Variants in PPP3CA observed in about 807,000 individuals in gnomAD.
PPP3CA encodes the protein protein phosphatase 3 catalytic subunit alpha, also known as CAM-PRP catalytic subunit.
Under a neutral mutation model 66.5 loss-of-function variants are expected in PPP3CA, and 14 were observed. That is an observed-to-expected ratio of 0.21 (90% CI 0.14 to 0.33). The LOEUF (loss-of-function observed/expected upper bound fraction) is 0.33, where lower values mean the gene tolerates loss of function less well. Among genes scored for constraint, PPP3CA ranks in the 10% least tolerant of loss-of-function variants. PPP3CA has a pLI of 1.00. For missense variants in PPP3CA, 317 were observed against 639.5 expected (o/e 0.50, Z 5.44); for synonymous variants, 232 against 226.2 (o/e 1.03, Z -0.23).
chr4:101,032,600 T>A (rs1487167953), intron 11 of PPP3CA, among the ~76,000 whole-genome samples: 2 of 152,200 alleles, frequency 1.3e-5, no homozygotes, highest in African/African-American at 4.8e-5. Context: ...GGAGGTTCTG[T>A]TTCTTTTGAG....
At chr4:101,339,604 T>C (rs1729743622) in intron 1 of PPP3CA, among the ~76,000 whole-genome samples, 1 of 152,162 alleles carries the variant, frequency 6.6e-6, no homozygotes, top group Admixed American at 6.5e-5. Context: ...CAGAACCAGT[T>C]ACAAATGGAA....
At chr4:101,319,831 G>A (rs1728985912) in intron 1 of PPP3CA, among the ~76,000 whole-genome samples, 1 of 152,126 alleles carries the variant, frequency 6.6e-6, no homozygotes, top group Non-Finnish European at 1.5e-5. Flanking sequence ...GAGTGATAAA[G>A]AAGACCCAGC....
chr4:101,159,143 G>A (rs537512078), intron 2 of PPP3CA, among the ~76,000 whole-genome samples: 1 of 152,290 alleles, frequency 6.6e-6, no homozygotes, highest in Non-Finnish European at 1.5e-5. Context: ...AAGGTAGCAA[G>A]TTATACAGTC....
At chr4:101,305,647 T>C (rs1183977372) in intron 1 of PPP3CA, among the ~76,000 whole-genome samples, 2 of 152,180 alleles carry the variant, frequency 1.3e-5, no homozygotes, top group Non-Finnish European at 2.9e-5. Flanking sequence ...TAAAGGTAAA[T>C]GAAATCTATA....
At chr4:101,246,836 A>G (rs957752174) in intron 1 of PPP3CA, among the ~76,000 whole-genome samples, 2 of 152,114 alleles carry the variant, frequency 1.3e-5, no homozygotes, top group African/African-American at 4.8e-5. Flanking sequence ...GAGTAGTGCT[A>G]ATGAGGCAAA....
intron 6 of PPP3CA, among the ~76,000 whole-genome samples, chr4:101,084,388 C>T (rs1029544929): frequency 2.0e-5 from 3 of 152,102 alleles, no homozygotes; most frequent in Admixed American, 2.0e-4. Context: ...CACCTGTAAT[C>T]CCAGCACTTT....
intron 2 of PPP3CA, chr4:101,171,327 T>G (rs1578518093): frequency 3.0e-6 from 1 of 329,338 alleles, no homozygotes; most frequent in East Asian, 8.6e-5. Flanking sequence ...TTCTGATGCA[T>G]ACTCGTTTAT....
chr4:101,341,021 A>C (rs1412419400), intron 1 of PPP3CA, among the ~76,000 whole-genome samples: 1 of 152,192 alleles, frequency 6.6e-6, no homozygotes, highest in African/African-American at 2.4e-5. Flanking sequence ...CCTCAGGCCA[A>C]GGTCAGACTA....
intron 1 of PPP3CA, among the ~76,000 whole-genome samples, chr4:101,245,090 AT>A (rs910897180): frequency 7.2e-5 from 11 of 152,078 alleles, no homozygotes; most frequent in African/African-American, 2.2e-4. Context: ...GTCCGAATAG[AT>A]TTTTTTTAAT....
chr4:101,282,018 T>C (rs1727700826), intron 1 of PPP3CA, among the ~76,000 whole-genome samples: 1 of 152,180 alleles, frequency 6.6e-6, no homozygotes, highest in African/African-American at 2.4e-5. Flanking sequence ...TGATATTTGA[T>C]ATCCCTCCAC....
chr4:101,274,025 G>T (rs1392414851), intron 1 of PPP3CA, among the ~76,000 whole-genome samples: 1 of 152,134 alleles, frequency 6.6e-6, no homozygotes, highest in Non-Finnish European at 1.5e-5. Flanking sequence ...TTAAAGGTTG[G>T]CCAGGCATGG....
intron 1 of PPP3CA, among the ~76,000 whole-genome samples, chr4:101,266,683 C>T (rs1727179495): frequency 6.6e-6 from 1 of 152,044 alleles, no homozygotes; most frequent in African/African-American, 2.4e-5. Context: ...GAGTACAGTC[C>T]ATACTAGACC....
intron 1 of PPP3CA, among the ~76,000 whole-genome samples, chr4:101,336,745 C>T (rs1404789111): frequency 1.3e-5 from 2 of 152,252 alleles, no homozygotes; most frequent in Non-Finnish European, 2.9e-5. Flanking sequence ...TTCTTCAAAG[C>T]AGACTTGTCC....
intron 8 of PPP3CA, among the ~76,000 whole-genome samples, chr4:101,065,508 G>A (rs1031379293): frequency 8.5e-5 from 13 of 152,116 alleles, no homozygotes; most frequent in African/African-American, 1.2e-4. Flanking sequence ...ATAATAATCC[G>A]CACAACAAAT....
intron 11 of PPP3CA, among the ~76,000 whole-genome samples, chr4:101,037,131 C>T (rs1727289225): frequency 6.6e-6 from 1 of 152,178 alleles, no homozygotes; most frequent in African/African-American, 2.4e-5. Context: ...AGGCTTGCCA[C>T]TGATGTTCAC....
chr4:101,155,062 G>A (rs1033521049), intron 2 of PPP3CA, among the ~76,000 whole-genome samples: 7 of 152,002 alleles, frequency 4.6e-5, no homozygotes, highest in Admixed American at 1.3e-4. Flanking sequence ...TGATCTGCCC[G>A]CCTCGGCCTC....
intron 1 of PPP3CA, among the ~76,000 whole-genome samples, chr4:101,222,492 T>C (rs1169692010): frequency 6.6e-6 from 1 of 151,692 alleles, no homozygotes; most frequent in Non-Finnish European, 1.5e-5. Flanking sequence ...AACTTCATTT[T>C]TCTTTCAATT....
intron 1 of PPP3CA, among the ~76,000 whole-genome samples, chr4:101,200,969 C>A (rs752139299): frequency 1.1e-4 from 16 of 152,246 alleles, no homozygotes; most frequent in Non-Finnish European, 1.9e-4. Context: ...AATAGCTACT[C>A]CAAACTGAGA....
intron 1 of PPP3CA, among the ~76,000 whole-genome samples, chr4:101,253,641 T>C (rs1042513067): frequency 1.3e-5 from 2 of 152,184 alleles, no homozygotes; most frequent in African/African-American, 2.4e-5. Context: ...TGATTTTCTC[T>C]GTAGACTTTA....
Sources: gnomAD v4.1 joint callset for allele counts (sites outside exome capture counted in the v4.1 genomes callset) on GRCh38, gnomAD v4.1.1 for gene constraint, MANE v1.5 for transcripts, NCBI Gene and HGNC (gene_info 2026-07-23, HGNC 2026-07-21) for gene names.